The following GNRH1 variants were observed in gnomAD, a reference collection of about 807,000 sequenced individuals.
GNRH1 encodes the protein gonadotropin releasing hormone 1.
GNRH1 carries 9 observed loss-of-function variants against 13.6 expected under a neutral mutation model. That is an observed-to-expected ratio of 0.66 (90% CI 0.40 to 1.15). The LOEUF (loss-of-function observed/expected upper bound fraction) is 1.15, where lower values mean the gene tolerates loss of function less well. GNRH1 is among the 50% of genes most tolerant of loss of function. The pLI, the probability that GNRH1 is intolerant of heterozygous loss-of-function variation, is 0.01. For missense variants in GNRH1, 116 were observed against 110.8 expected, an observed-to-expected ratio of 1.05 and a Z score of -0.21; for synonymous variants, 44 against 40.1, an observed-to-expected ratio of 1.10 and a Z score of -0.37.
intron 3 of GNRH1, among the ~76,000 whole-genome samples, chr8:25,419,866 C>T (rs1801748949): frequency 1.3e-5 from 2 of 152,110 alleles, no homozygotes; most frequent in African/African-American, 4.8e-5. Flanking sequence ...AAGTGATCCA[C>T]TTACCTCGGC....
chr8:25,420,664 A>T (rs1110444), intron 3 of GNRH1, among the ~76,000 whole-genome samples: 1 of 152,064 alleles, frequency 6.6e-6, no homozygotes, highest in Non-Finnish European at 1.5e-5. Context: ...GCACTTTGGG[A>T]GGATCTTGAG....
chr8:25,420,871 G>A (rs1801760617), intron 3 of GNRH1, among the ~76,000 whole-genome samples: 1 of 152,094 alleles, frequency 6.6e-6, no homozygotes, highest in South Asian at 2.1e-4. Flanking sequence ...CTAGCCCGGG[G>A]AACAGAGCAA....
intron 1 of GNRH1, chr8:25,423,541 A>G (rs980689299): frequency 3.4e-6 from 2 of 596,742 alleles, no homozygotes; most frequent in Middle Eastern, 4.5e-4. Context: ...TGAGTACTTA[A>G]GCTCACATGT....
intron 3 of GNRH1, among the ~76,000 whole-genome samples, chr8:25,420,382 C>T (rs997987750): frequency 5.3e-4 from 25 of 47,026 alleles, no homozygotes; most frequent in South Asian, 3.5e-3. Flanking sequence ...CCACTGCACT[C>T]CAAAAAAAAC....
In GNRH1 at chr8:25,421,614, G is replaced by A; in HGVS notation, c.196C>T (p.His66Tyr). 1.9e-6 allele frequency: 3 copies of A among 1,606,442 alleles called. No homozygotes were observed. Among genetic ancestry groups the A allele is most frequent in the African/African-American group, 2.7e-5 (2 of 74,822 alleles). The change falls in exon 3 of 4, where the codon CAC (histidine) becomes TAC (tyrosine). Residue 66 changes from histidine (H) to tyrosine (Y), a missense_variant. Physicochemically the swap from His to Tyr is moderately conservative, Grantham distance 83. Coordinates refer to ENST00000421054, the MANE Select transcript of GNRH1 (RefSeq NM_001083111.2). ...TCTCGGAGGGGAGAACGTGGCTGGT[G>A]CGTGGTGCATTCGAAGCGTTGGGTT... ...AETQRFECTT[H>Y]QPRSPLRDLK...
chr8:25,419,823 T>C (rs1281292641), intron 3 of GNRH1, among the ~76,000 whole-genome samples: 1 of 152,096 alleles, frequency 6.6e-6, no homozygotes. Flanking sequence ...GGTGTCACCA[T>C]GTTGGCCAGG....
intron 3 of GNRH1, 85 bp downstream of exon 3, chr8:25,421,488 G>C (rs1220227387): frequency 2.8e-6 from 2 of 716,688 alleles, no homozygotes; most frequent in Non-Finnish European, 5.1e-6. Flanking sequence ...CAGTATCTGG[G>C]AGGTAGCTGT....
At chr8:25,421,733 C>A in intron 2 of GNRH1, 65 bp from the exon 3 acceptor site, 2 of 661,670 alleles carry the variant, frequency 3.0e-6, no homozygotes, top group East Asian at 3.6e-5. Context: ...TTTCCATTTC[C>A]ACCAAAAAAT....
At chr8:25,423,092 A>G in intron 2 of GNRH1, 98 bp downstream of exon 2, 1 of 937,788 alleles carries the variant, frequency 1.1e-6, no homozygotes, top group Non-Finnish European at 1.7e-6. Context: ...CTAGGGTACA[A>G]CATCATAGAA....
At chr8:25,423,069 T>C in intron 2 of GNRH1, 121 bp downstream of exon 2, 1 of 824,882 alleles carries the variant, frequency 1.2e-6, no homozygotes, top group East Asian at 2.4e-5. Context: ...GTGCCTTATC[T>C]CACCTGGAGC....
chr8:25,423,369 C>A, intron 1 of GNRH1, 38 bp from the exon 2 acceptor site: 1 of 1,595,418 alleles, frequency 6.3e-7, no homozygotes, highest in Non-Finnish European at 8.6e-7. Context: ...TAGATCCAGA[C>A]AAGGTTGAGT....
chr8:25,424,172 C>T (rs1464792697), intron 1 of GNRH1, 29 bp downstream of exon 1: 3 of 152,140 alleles, frequency 2.0e-5, no homozygotes, highest in Non-Finnish European at 2.9e-5. Flanking sequence ...AAGAAAAACT[C>T]GTGCTAGAAA....
chr8:25,420,608 A>G (rs940643251), intron 3 of GNRH1, among the ~76,000 whole-genome samples: 13 of 152,274 alleles, frequency 8.5e-5, no homozygotes, highest in African/African-American at 3.1e-4. Flanking sequence ...CATTGAATCC[A>G]AGATTCAACT....
intron 2 of GNRH1, 97 bp from the exon 3 acceptor site, chr8:25,421,765 G>T: frequency 1.7e-6 from 1 of 576,572 alleles, no homozygotes; most frequent in Non-Finnish European, 3.3e-6. Flanking sequence ...GGGTCAAGGG[G>T]GATGTGGGGC....
chr8:25,422,976 TAATATA>T (rs1337287111), intron 2 of GNRH1, among the ~76,000 whole-genome samples: 1 of 152,206 alleles, frequency 6.6e-6, no homozygotes, highest in African/African-American at 2.4e-5. Flanking sequence ...TTGTTGCTAT[TAATATA>T]TTCTTTTGGA....
intron 3 of GNRH1, 65 bp from the exon 4 acceptor site, chr8:25,419,525 A>AT: frequency 1.2e-6 from 1 of 867,518 alleles, no homozygotes; most frequent in Non-Finnish European, 2.0e-6. Context: ...ACATTTTGAC[A>AT]TTTTAATTTC....
In GNRH1 at chr8:25,423,275, T is replaced by A; in HGVS notation, c.56A>T (p.Glu19Val). The A allele has an allele frequency of 6.2e-7, 1 of 1,612,204 alleles. No individual in the cohort carries two copies. Among genetic ancestry groups the A allele is most frequent in the South Asian group, 1.1e-5 (1 of 91,048 alleles). The change falls in exon 2 of 4, where the codon GAA becomes GTA. Residue 19 changes from glutamate to valine, a missense_variant. By Grantham distance (121) the Glu-to-Val change is moderately radical. Transcript: ENST00000421054. The part of the protein sequence containing the change: ...AGLILLTWCV[E>V]GCSSQHWSYG... ...GGACCAGTGCTGGCTGGAGCAGCCTTCCACGCACCAAGTCAGTAGAATAAG... is the reference window on the plus strand; with the variant it reads ...GGACCAGTGCTGGCTGGAGCAGCCTACCACGCACCAAGTCAGTAGAATAAG...
Position 25,421,360 on chromosome 8 carries a change from AAAAC to A in GNRH1, c.237+209_237+212del, listed in dbSNP as rs559577325. Reference sequence around the variant, plus strand: ...GAGAGATTTCAATTCAACTTCAGAAAAAACAAACAAACAAAAAAACGTTTCAGCC... The same window carrying A: ...GAGAGATTTCAATTCAACTTCAGAAAAAACAAACAAAAAAACGTTTCAGCC... On this transcript the variant is annotated intron_variant, in intron 3 of 3. Transcript: ENST00000421054. Among the ~76,000 whole-genome samples the A allele has an allele frequency of 2.4e-3, 371 of 152,322 alleles. 2 individuals carry two copies. Among genetic ancestry groups the A allele is most frequent in the Middle Eastern group, 6.8e-3 (2 of 294 alleles).
intron 1 of GNRH1, chr8:25,423,666 T>C: frequency 3.2e-6 from 1 of 316,806 alleles, no homozygotes; most frequent in Non-Finnish European, 6.0e-6. Context: ...ATTTCCCCTG[T>C]TGTGGATTGG....
Sources: allele counts gnomAD v4.1 joint callset (sites outside exome capture counted in the v4.1 genomes callset), GRCh38; gene constraint gnomAD v4.1.1; transcripts MANE v1.5; gene names NCBI Gene and HGNC (gene_info 2026-07-23, HGNC 2026-07-21).